AFG3L2: variants seen among roughly 807,000 people sequenced by gnomAD.
AFG3L2 encodes mitochondrial inner membrane m-AAA protease component AFG3L2.
In AFG3L2, 54 loss-of-function variants were observed where a neutral mutation model predicts 94.5. The observed-to-expected ratio is 0.57, with a 90% CI of 0.46 to 0.72. AFG3L2 has a LOEUF of 0.72. Among genes scored for constraint, AFG3L2 ranks in the 30% least tolerant of loss-of-function variants. The pLI, the probability that AFG3L2 is intolerant of heterozygous loss-of-function variation, is 0.00. For synonymous variants in AFG3L2, 377 were observed against 365.5 expected, an observed-to-expected ratio of 1.03 and a Z score of -0.36; for missense variants, 754 against 994.9, an observed-to-expected ratio of 0.76 and a Z score of 3.26.
At chr18:12,349,066 TC>T (rs975070889) in intron 12 of AFG3L2, among the ~76,000 whole-genome samples, 2 of 152,230 alleles carry the variant, frequency 1.3e-5, no homozygotes, top group African/African-American at 4.8e-5. Context: ...CTCAAACTGT[TC>T]TTTTTTTATT....
chr18:12,355,826 G>T (rs1389927626), intron 9 of AFG3L2, among the ~76,000 whole-genome samples: 1 of 151,944 alleles, frequency 6.6e-6, no homozygotes, highest in Non-Finnish European at 1.5e-5. Context: ...CCGCCACCAC[G>T]CATGGCTAAT....
At chr18:12,333,043 CTATTATATAATAGATT>C (rs1907609784) in intron 16 of AFG3L2, among the ~76,000 whole-genome samples, 1 of 17,764 alleles carries the variant, frequency 5.6e-5, no homozygotes, top group Non-Finnish European at 1.8e-4. Context: ...AATATATAAT[CTATTATATAATAGATT>C]ATAATCTATT....
intron 16 of AFG3L2, among the ~76,000 whole-genome samples, chr18:12,330,258 G>A (rs957322270): frequency 7.3e-5 from 11 of 151,670 alleles, no homozygotes; most frequent in East Asian, 2.0e-4. Flanking sequence ...CCCGGGAGGC[G>A]GAGGTTGCAG....
chr18:12,339,011 T>G (rs1057401055), intron 15 of AFG3L2, among the ~76,000 whole-genome samples: 53 of 152,100 alleles, frequency 3.5e-4, no homozygotes, highest in Non-Finnish European at 2.6e-4. Context: ...TCCCAGCACT[T>G]TGGCAGGCCA....
rs752570332 is a variant in AFG3L2, at chr18:12,340,298, G to C, written c.1883C>G (p.Thr628Ser). Residue 628 changes from threonine to serine, a missense_variant, in exon 15 of 17, where the codon ACT becomes AGT. Physicochemically the swap from Thr to Ser is moderately conservative, Grantham distance 58. This residue lies in a region of AFG3L2 where 279 missense variants were observed against 378.6 expected (regional missense o/e 0.74). Transcript: ENST00000269143. ...KEQLLDRMCMTLGGRVSEEIF... is the reference protein window; with the variant it reads ...KEQLLDRMCMSLGGRVSEEIF... ...TTCTTCAGAGACTCGACCACCTAAA[G>C]TCATACACATCCTATCCAAGAGCTG... 1.2e-5 allele frequency: 19 copies of C among 1,614,078 alleles called. 1 individual carries two copies. The South Asian group carries it at 2.1e-4, about 18-fold the overall frequency.
chr18:12,363,697 G>T, intron 6 of AFG3L2, 85 bp downstream of exon 6: 1 of 1,063,622 alleles, frequency 9.4e-7, no homozygotes, highest in South Asian at 1.3e-5. Context: ...ATAACTCCTA[G>T]AGTATGAGGC....
intron 14 of AFG3L2, among the ~76,000 whole-genome samples, chr18:12,340,747 C>G (rs1568135267): frequency 1.3e-5 from 2 of 152,074 alleles, no homozygotes; most frequent in Non-Finnish European, 2.9e-5. Flanking sequence ...AAGCGCCCAC[C>G]ACCAGGCCTG....
At chr18:12,358,531 G>T in intron 8 of AFG3L2, 139 bp downstream of exon 8, 2 of 1,108,528 alleles carry the variant, frequency 1.8e-6, no homozygotes, top group Non-Finnish European at 2.6e-6. Flanking sequence ...TCCTCGAGTT[G>T]GGCAGAGGCT....
intron 9 of AFG3L2, among the ~76,000 whole-genome samples, chr18:12,353,514 CAA>C (rs71172076): frequency 0.058 from 4,724 of 81,214 alleles, 64 homozygotes; most frequent in African/African-American, 0.067. Flanking sequence ...AATTCTGTCT[CAA>C]AAAAAAAAAA....
chr18:12,374,860 A>C (rs1336982054), intron 1 of AFG3L2, among the ~76,000 whole-genome samples: 1 of 152,154 alleles, frequency 6.6e-6, no homozygotes, highest in Non-Finnish European at 1.5e-5. Context: ...GTTTGAGACC[A>C]GCCTGGCCAA....
At position 12,368,990 on chromosome 18, in the gene AFG3L2, T is replaced by C. The variant is rs371871616; in HGVS notation, c.293-1608A>G. Among the ~76,000 whole-genome samples the C allele has an allele frequency of 3.9e-5, 6 of 152,196 alleles. 1 individual carries two copies. The highest frequency in any genetic ancestry group is 6.5e-5 in the Admixed American group (1 of 15,274). On this transcript the variant is annotated intron_variant, in intron 3 of 16. Transcript: ENST00000269143. The stretch of plus-strand genomic sequence containing the variant: ...GCTACAGGCACCCGGTCATCCTCAG[T>C]GGCTATGTAACATGTGGCTTCATGA...
Position 12,353,057 on chromosome 18 carries a change from T to C in AFG3L2, c.1266A>G (p.Gly422=). ...GTGTGTTCTCCTGCTCACTCTGCCC[T>C]CCAAAGTTGCCTCTTCCTCTCTTCC... ...VGRKRGRGNF[G]GQSEQENTLN... Residue 422 remains glycine, a synonymous_variant, in exon 10 of 17, where the codon GGA becomes GGG. Coordinates refer to ENST00000269143, the MANE Select transcript of AFG3L2 (RefSeq NM_006796.3). 7 of 1,614,058 alleles carry C rather than the reference T, an allele frequency of 4.3e-6. No individual in the cohort carries two copies. Among genetic ancestry groups the C allele is most frequent in the Non-Finnish European group, 4.2e-6 (5 of 1,179,996 alleles).
chr18:12,344,533 G>C (rs1908067447), intron 13 of AFG3L2, among the ~76,000 whole-genome samples: 1 of 152,014 alleles, frequency 6.6e-6, no homozygotes, highest in African/African-American at 2.4e-5. Flanking sequence ...AATTAGCCAG[G>C]CGTCGTGGTG....
intron 16 of AFG3L2, among the ~76,000 whole-genome samples, chr18:12,332,868 T>C (rs1241062688): frequency 2.0e-5 from 1 of 49,028 alleles, no homozygotes; most frequent in East Asian, 4.4e-4. Context: ...TAGTTGTGGG[T>C]GATCACTTAC....
At chr18:12,353,940 C>T (rs1266815551) in intron 9 of AFG3L2, among the ~76,000 whole-genome samples, 1 of 152,102 alleles carries the variant, frequency 6.6e-6, no homozygotes, top group Non-Finnish European at 1.5e-5. Context: ...ACCATCCAAG[C>T]CCATCAGCTC....
At chr18:12,363,719 T>C (rs907272420) in intron 6 of AFG3L2, 63 bp downstream of exon 6, 24 of 1,385,552 alleles carry the variant, frequency 1.7e-5, no homozygotes, top group South Asian at 9.3e-5. Context: ...GGTTTTCCTT[T>C]CAGCTTTAAA....
chr18:12,339,236 CAAAAAAAAAAAAA>C (rs539968042), intron 15 of AFG3L2, among the ~76,000 whole-genome samples: 500 of 41,322 alleles, frequency 0.012, 12 homozygotes, highest in African/African-American at 0.05. Context: ...GACTCTGTCT[CAAAAAAAAAAAAA>C]AAAAAAAAAA....
chr18:12,350,778 T>G (rs1406641327), intron 12 of AFG3L2, among the ~76,000 whole-genome samples: 1 of 152,158 alleles, frequency 6.6e-6, no homozygotes, highest in Admixed American at 6.5e-5. Context: ...AGTAAGACCC[T>G]GTCTCCACAA....
At chr18:12,367,163 A>G in intron 4 of AFG3L2, 46 bp from the exon 5 acceptor site, 1 of 1,613,626 alleles carries the variant, frequency 6.2e-7, no homozygotes. Flanking sequence ...AAATTCCACA[A>G]TACGATCTAT....
Sources: gnomAD v4.1 joint callset for allele counts (sites outside exome capture counted in the v4.1 genomes callset) on GRCh38, gnomAD v4.1.1 for gene constraint, gnomAD v4.1.1 regional missense constraint, MANE v1.5 for transcripts, NCBI Gene and HGNC (gene_info 2026-07-23, HGNC 2026-07-21) for gene names.